Variants in GPRASP2 observed in about 807,000 individuals in gnomAD.
GPRASP2 encodes the protein G protein-coupled receptor associated sorting protein 2, also known as G protein-coupled receptor-associated sorting protein 2.
Under a neutral mutation model 36.0 loss-of-function variants are expected in GPRASP2, and 10 were observed. That is an observed-to-expected ratio of 0.28 (90% CI 0.17 to 0.47). GPRASP2 has a LOEUF of 0.47. Among genes scored for constraint, GPRASP2 ranks in the 20% least tolerant of loss-of-function variants. The pLI is 0.99. For missense variants in GPRASP2, 538 were observed against 626.7 expected (o/e 0.86, Z 1.51); for synonymous variants, 219 against 230.5 (o/e 0.95, Z 0.45).
Position 102,714,191 on chromosome X carries a change from C to T in GPRASP2, c.-409C>T, listed in dbSNP as rs1425490594. The T allele has an allele frequency of 1.8e-5, 2 of 112,021 alleles. No individual in the cohort carries two copies. Among genetic ancestry groups the T allele is most frequent in the Non-Finnish European group, 3.7e-5 (2 of 53,341 alleles). The allele number at this position is 112,021 out of a possible 1,213,427, so 9.2% of individuals were successfully genotyped here. A position where few individuals can be genotyped will look rare whatever the true frequency, so the allele number is the denominator to read the frequency against. ...CCTGTATGTTCACTTGTCTGTAGGA[C>T]CCCCTTCTGTCAGCTGTGGGGCTTG... is the stretch of plus-strand genomic sequence containing the variant. On this transcript the variant is annotated splice_region_variant and 5_prime_UTR_variant, in exon 4 of 5. Coordinates refer to ENST00000483720, the MANE Select transcript of GPRASP2 (RefSeq NM_001004051.4).
rs1269730651 is a variant in GPRASP2, at chrX:102,717,125, A to G, written c.2256A>G (p.Ala752=). 3 of 1,198,920 alleles carry G rather than the reference A, an allele frequency of 2.5e-6. No individual in the cohort carries two copies. The highest frequency in any genetic ancestry group is 1.8e-5 in the South Asian group (1 of 55,862). Reference sequence around the variant, plus strand: ...ATTTGTCTGAAAATCCTGCTGTGGCAAAAAAACTATTCAGTGCCAAAGCTC... The same window carrying G: ...ATTTGTCTGAAAATCCTGCTGTGGCGAAAAAACTATTCAGTGCCAAAGCTC... ...LLNLSENPAV[A]KKLFSAKALS... The change falls in exon 5 of 5, where the codon GCA becomes GCG. Residue 752 remains alanine, a synonymous_variant. Transcript: ENST00000483720.
rs776892457 is a variant in GPRASP2 at position 102,715,150 on chromosome X, C to A, written c.281C>A (p.Thr94Lys). 27 of 1,211,663 alleles carry A rather than the reference C, an allele frequency of 2.2e-5. No individual in the cohort carries two copies. Among genetic ancestry groups the A allele is most frequent in the Non-Finnish European group, 2.9e-5 (26 of 895,557 alleles). Residue 94 changes from threonine to lysine, a missense_variant, in exon 5 of 5, where the codon ACA (threonine) becomes AAA (lysine). This residue lies in a region of GPRASP2 where 276 missense variants were observed against 275.0 expected (regional missense o/e 1.00). Coordinates refer to ENST00000483720, the MANE Select transcript of GPRASP2 (RefSeq NM_001004051.4). ...ARPKTEAQGI[T>K]GARPKTDARA... The stretch of plus-strand genomic sequence containing the variant: ...CCCAAAACGGAGGCTCAAGGAATCA[C>A]AGGGGCCAGGCCCAAAACCGATGCC...
rs1484858265 is a variant in GPRASP2 at position 102,715,817 on chromosome X, C to T, written c.948C>T (p.Ser316=). ...PRVREEANIR[S]KLRTNREDCF... ...TCAGGGAGGAGGCAAATATCAGGTC[C>T]AAGCTCAGGACAAATAGAGAAGATT... Residue 316 remains serine (S), a synonymous_variant, in exon 5 of 5, where the codon TCC becomes TCT. Coordinates refer to ENST00000483720, the MANE Select transcript of GPRASP2 (RefSeq NM_001004051.4). 8.3e-6 allele frequency: 10 copies of T among 1,211,749 alleles called. No individual in the cohort carries two copies. In the East Asian group the frequency reaches 2.4e-4, roughly 29 times the overall value.
In GPRASP2 at chrX:102,714,910, C is replaced by T. The variant is rs757005951; in HGVS notation, c.41C>T (p.Pro14Leu). The change falls in exon 5 of 5, where the codon CCT (proline) becomes CTT (leucine). Residue 14 changes from proline (P) to leucine (L), a missense_variant. Around this residue, in one of 2 missense-constraint regions of GPRASP2, gnomAD observed 276 missense variants for 275.0 expected, o/e 1.00. Transcript: ENST00000483720. ...ATTGAGCCTAGTGCCCAGGCCAAGCCTGAAAAGAAGGCTGGGGAAGAGGTT... is the reference window on the plus strand; with the variant it reads ...ATTGAGCCTAGTGCCCAGGCCAAGCTTGAAAAGAAGGCTGGGGAAGAGGTT... Reference protein sequence around the residue: ...AEIEPSAQAKPEKKAGEEVIA... With the variant: ...AEIEPSAQAKLEKKAGEEVIA... 2.3e-5 allele frequency: 28 copies of T among 1,211,031 alleles called. No individual in the cohort carries two copies. In the South Asian group the frequency reaches 4.4e-4, roughly 19 times the overall value.
rs113906002 is a variant in GPRASP2, at chrX:102,715,949, T to C, written c.1080T>C (p.Thr360=). The change falls in exon 5 of 5, where the codon ACT becomes ACC. Residue 360 remains threonine (T), a synonymous_variant. Coordinates refer to ENST00000483720, the MANE Select transcript of GPRASP2 (RefSeq NM_001004051.4). ...ACAGAGACAAAGAAGATCCTAATAC[T>C]GCCTTGAAACTCAGGGCCCAGAAAG... ...FRHRDKEDPN[T]ALKLRAQKDV... 2.1e-3 allele frequency: 2,516 copies of C among 1,209,713 alleles called. 43 individuals are homozygous for C. In the African/African-American group the frequency reaches 0.04, roughly 19 times the overall value.
intron 1 of GPRASP2, among the ~76,000 whole-genome samples, chrX:102,712,795 G>A (rs2081892157): frequency 8.9e-6 from 1 of 112,967 alleles, no homozygotes. Context: ...TCGTTTGGAG[G>A]AGAACCGCGC....
In GPRASP2 at chrX:102,715,383, G is replaced by T; in HGVS notation, c.514G>T (p.Asp172Tyr). ...TACTAAATCTAAGGGCCTGTCTATG[G>T]ATAGAGAACTAGTCAATGTGGATGC... ...SVTKSKGLSMDRELVNVDAET... is the reference protein window; with the variant it reads ...SVTKSKGLSMYRELVNVDAET... Residue 172 changes from aspartate to tyrosine, a missense_variant, in exon 5 of 5, where the codon GAT becomes TAT. Asp to Tyr is a radical substitution (Grantham distance 160, BLOSUM62 -3). This residue lies in a region of GPRASP2 where 276 missense variants were observed against 275.0 expected (regional missense o/e 1.00). Transcript: ENST00000483720. 1 of 1,212,403 alleles carries T rather than the reference G, an allele frequency of 8.2e-7. No individual in the cohort carries two copies. Among genetic ancestry groups the T allele is most frequent in the Non-Finnish European group, 1.1e-6 (1 of 895,683 alleles).
Position 102,717,309 on chromosome X carries a change from G to A in GPRASP2, c.2440G>A (p.Glu814Lys). ...SLEPLISAFR[E>K]FEELAKQLQA... is the part of the protein sequence containing the mutation. Reference sequence around the variant, plus strand: ...TGAGCCGCTTATTTCTGCATTTCGTGAATTTGAGGAGTTAGCTAAGCAACT... The same window carrying A: ...TGAGCCGCTTATTTCTGCATTTCGTAAATTTGAGGAGTTAGCTAAGCAACT... Residue 814 changes from glutamate to lysine, a missense_variant, in exon 5 of 5, where the codon GAA (glutamate) becomes AAA (lysine). Glu to Lys is a moderately conservative substitution (Grantham distance 56). Coordinates refer to ENST00000483720, the MANE Select transcript of GPRASP2 (RefSeq NM_001004051.4). 9.1e-7 allele frequency: 1 copy of A among 1,097,519 alleles called. No individual in the cohort carries two copies. The highest frequency in any genetic ancestry group is 1.2e-6 in the Non-Finnish European group (1 of 838,962). The allele number at this position is 1,097,519 out of a possible 1,213,427, so 90.4% of individuals were successfully genotyped here.
At chrX:102,713,479 C>G (rs2081909137) in intron 2 of GPRASP2, among the ~76,000 whole-genome samples, 1 of 113,145 alleles carries the variant, frequency 8.8e-6, no homozygotes, top group East Asian at 2.8e-4. Flanking sequence ...GAATATGCGG[C>G]GCCCTTCCCC....
In GPRASP2 at chrX:102,717,128, A is replaced by G; in HGVS notation, c.2259A>G (p.Lys753=). Residue 753 remains lysine (K), a synonymous_variant, in exon 5 of 5, where the codon AAA becomes AAG. Coordinates refer to ENST00000483720, the MANE Select transcript of GPRASP2 (RefSeq NM_001004051.4). The part of the protein sequence containing the change: ...LNLSENPAVA[K]KLFSAKALSI... The stretch of plus-strand genomic sequence containing the variant: ...TGTCTGAAAATCCTGCTGTGGCAAA[A>G]AAACTATTCAGTGCCAAAGCTCTTT... The G allele has an allele frequency of 4.2e-6, 5 of 1,200,433 alleles. No homozygotes were observed. The highest frequency in any genetic ancestry group is 5.6e-6 in the Non-Finnish European group (5 of 886,490).
Position 102,717,223 on chromosome X carries a change from A to C in GPRASP2, c.2354A>C (p.Gln785Pro). ...ATTCAAATTGTTATTAAAATGTTTC[A>C]GAATATCAGTAACATTATAAAAAGT... ...DNIQIVIKMF[Q>P]NISNIIKSGK... Residue 785 changes from glutamine to proline, a missense_variant, in exon 5 of 5, where the codon CAG becomes CCG. Physicochemically the swap from Gln to Pro is moderately conservative, Grantham distance 76 (BLOSUM62 -1). This residue lies in a region of GPRASP2 where 262 missense variants were observed against 351.7 expected (regional missense o/e 0.74). Coordinates refer to ENST00000483720, the MANE Select transcript of GPRASP2 (RefSeq NM_001004051.4). 8.9e-7 allele frequency: 1 copy of C among 1,124,139 alleles called. No homozygotes were observed. The highest frequency in any genetic ancestry group is 1.2e-6 in the Non-Finnish European group (1 of 852,048). 92.6% of individuals were successfully genotyped at this position (1,124,139 alleles called of 1,213,427 possible). A position where few individuals can be genotyped will look rare whatever the true frequency, so the allele number is the denominator to read the frequency against.
Position 102,716,354 on chromosome X carries a change from T to C in GPRASP2, c.1485T>C (p.Thr495=), listed in dbSNP as rs1003053804. 1 of 1,212,058 alleles carries C rather than the reference T, an allele frequency of 8.3e-7. No individual in the cohort carries two copies. The highest frequency in any genetic ancestry group is 1.7e-5 in the African/African-American group (1 of 57,887). The part of the protein sequence containing the change: ...SSRPQTWDEV[T]VEFKPGLFHG... Reference sequence around the variant, plus strand: ...GGCCCCAAACCTGGGACGAGGTCACTGTTGAATTCAAACCTGGTCTTTTTC... The same window carrying C: ...GGCCCCAAACCTGGGACGAGGTCACCGTTGAATTCAAACCTGGTCTTTTTC... Residue 495 remains threonine, a synonymous_variant, in exon 5 of 5, where the codon ACT becomes ACC. Transcript: ENST00000483720.
rs2081953349 is a variant in GPRASP2 at position 102,715,712 on chromosome X, G to C, written c.843G>C (p.Trp281Cys). The change falls in exon 5 of 5, where the codon TGG (tryptophan) becomes TGC (cysteine). Residue 281 changes from tryptophan to cysteine, a missense_variant. By Grantham distance (215) the Trp-to-Cys change is radical. Transcript: ENST00000483720. ...RSKQEAYVDSWSGSEDEASNP... is the reference protein window; with the variant it reads ...RSKQEAYVDSCSGSEDEASNP... The stretch of plus-strand genomic sequence containing the variant: ...AGCAAGAAGCCTATGTTGATTCCTG[G>C]TCTGGATCTGAGGATGAGGCCAGCA... 1 of 1,210,250 alleles carries C rather than the reference G, an allele frequency of 8.3e-7. No individual in the cohort carries two copies. Among genetic ancestry groups the C allele is most frequent in the Non-Finnish European group, 1.1e-6 (1 of 895,378 alleles).
In GPRASP2 at chrX:102,716,789, C is replaced by T; in HGVS notation, c.1920C>T (p.Val640=). 3.3e-6 allele frequency: 4 copies of T among 1,212,139 alleles called. No individual in the cohort carries two copies. Among genetic ancestry groups the T allele is most frequent in the Non-Finnish European group, 3.3e-6 (3 of 895,629 alleles). The part of the protein sequence containing the change: ...TRDFIRDSGV[V]SLIETLLNYP... ...ATTTCATTCGAGATTCAGGTGTTGT[C>T]TCACTTATTGAAACCTTGCTTAATT... Residue 640 remains valine, a synonymous_variant, in exon 5 of 5, where the codon GTC becomes GTT. Transcript: ENST00000483720.
Position 102,716,832 on chromosome X carries a change from A to G in GPRASP2, c.1963A>G (p.Arg655Gly), listed in dbSNP as rs918524118. The G allele has an allele frequency of 8.3e-7, 1 of 1,210,701 alleles. No individual in the cohort carries two copies. The highest frequency in any genetic ancestry group is 1.7e-5 in the African/African-American group (1 of 57,390). The change falls in exon 5 of 5, where the codon AGG (arginine) becomes GGG (glycine). Residue 655 changes from arginine (R) to glycine (G), a missense_variant. This residue lies in a region of GPRASP2 where 262 missense variants were observed against 351.7 expected (regional missense o/e 0.74). Coordinates refer to ENST00000483720, the MANE Select transcript of GPRASP2 (RefSeq NM_001004051.4). The stretch of plus-strand genomic sequence containing the variant: ...GCTTAATTATCCATCCTCTAGAGTT[A>G]GGACAAGTTTTTTGGAAAATATGAT... ...TLLNYPSSRVRTSFLENMIHM... is the reference protein window; with the variant it reads ...TLLNYPSSRVGTSFLENMIHM...
chrX:102,713,959 C>T (rs139006702), intron 3 of GPRASP2, 110 bp downstream of exon 3: 8 of 111,198 alleles, frequency 7.2e-5, no homozygotes, highest in African/African-American at 2.0e-4. Flanking sequence ...TCTATTCTGC[C>T]GGATTTGCAC....
At position 102,715,585 on chromosome X, in the gene GPRASP2, G is replaced by A; in HGVS notation, c.716G>A (p.Gly239Glu). Residue 239 changes from glycine (G) to glutamate (E), a missense_variant, in exon 5 of 5, where the codon GGA (glycine) becomes GAA (glutamate). Physicochemically the swap from Gly to Glu is moderately conservative, Grantham distance 98. Coordinates refer to ENST00000483720, the MANE Select transcript of GPRASP2 (RefSeq NM_001004051.4). ...ETSTASSFWT[G>E]EETSVRSWPR... ...TCTACAGCGTCTTCTTTCTGGACTG[G>A]AGAAGAGACAAGTGTCAGATCATGG... is the stretch of plus-strand genomic sequence containing the variant. 1 of 1,211,772 alleles carries A rather than the reference G, an allele frequency of 8.3e-7. No homozygotes were observed. Among genetic ancestry groups the A allele is most frequent in the Non-Finnish European group, 1.1e-6 (1 of 895,549 alleles).
At position 102,717,483 on chromosome X, in the gene GPRASP2, T is replaced by TA; in HGVS notation, c.*97_*98insA. ...GTCTGTTTTTTTGTTGTAACTTATA[T>TA]TTTTTAATGCTGATGTTAACTTTGT... On this transcript the variant is annotated 3_prime_UTR_variant, in exon 5 of 5. Transcript: ENST00000483720. 2.1e-6 allele frequency: 2 copies of TA among 967,476 alleles called. No individual in the cohort carries two copies. The highest frequency in any genetic ancestry group is 2.6e-6 in the Non-Finnish European group (2 of 759,578). The allele number at this position is 967,476 out of a possible 1,213,427, so 79.7% of individuals were successfully genotyped here. A position where few individuals can be genotyped will look rare whatever the true frequency, so the allele number is the denominator to read the frequency against.
chrX:102,716,453 C>A lies in GPRASP2; in HGVS notation c.1584C>A (p.Pro528=). The change falls in exon 5 of 5, where the codon CCC becomes CCA. Residue 528 remains proline (P), a synonymous_variant. Transcript: ENST00000483720. ...EEASEMLEAK[P]KNLELSPEGE... ...CTTCTGAAATGCTTGAGGCAAAGCC[C>A]AAGAACCTGGAACTTAGCCCAGAAG... 1 of 1,212,124 alleles carries A rather than the reference C, an allele frequency of 8.2e-7. No homozygotes were observed. Among genetic ancestry groups the A allele is most frequent in the Non-Finnish European group, 1.1e-6 (1 of 895,626 alleles).
Sources: allele counts gnomAD v4.1 joint callset (sites outside exome capture counted in the v4.1 genomes callset), GRCh38; gene constraint gnomAD v4.1.1; regional missense constraint gnomAD v4.1.1; transcripts MANE v1.5; gene names NCBI Gene and HGNC (gene_info 2026-07-23, HGNC 2026-07-21).